NOTCH2: variants seen among roughly 807,000 people sequenced by gnomAD.
NOTCH2 encodes the protein neurogenic locus notch homolog protein 2.
NOTCH2 carries 29 observed loss-of-function variants against 235.8 expected under a neutral mutation model. That is an observed-to-expected ratio of 0.12 (90% confidence interval 0.09 to 0.17). The LOEUF is 0.17. Among genes scored for constraint, NOTCH2 ranks in the 10% least tolerant of loss-of-function variants. NOTCH2 has a pLI of 1.00. For missense variants in NOTCH2, 2,285 were observed against 3,150.2 expected (o/e 0.73, Z 6.57); for synonymous variants, 1,086 against 1,141.5 (o/e 0.95, Z 0.98).
chr1:119,914,604 T>C lies in NOTCH2; in HGVS notation c.*702A>G, dbSNP rs587715179. 1 of 235,668 alleles carries C rather than the reference T, an allele frequency of 4.2e-6. No individual in the cohort carries two copies. The highest frequency in any genetic ancestry group is 1.8e-4 in the South Asian group (1 of 5,660). The allele number at this position is 235,668 out of a possible 1,614,324, so 14.6% of individuals were successfully genotyped here. On this transcript the variant is annotated 3_prime_UTR_variant, in exon 34 of 34. Coordinates refer to ENST00000256646, the MANE Select transcript of NOTCH2 (RefSeq NM_024408.4). ...CCCTTCTCTCTCCAGGAATGATATA[T>C]GCAGGAGAACACAATACAGTATGTC...
intron 14 of NOTCH2, among the ~76,000 whole-genome samples, chr1:119,952,536 A>C (rs782695333): frequency 6.6e-6 from 1 of 152,186 alleles, no homozygotes; most frequent in Non-Finnish European, 1.5e-5. Context: ...AGGAGCGCAC[A>C]ATCTACATCC....
At chr1:119,919,285 T>G in intron 31 of NOTCH2, 27 bp downstream of exon 31, 1 of 1,592,522 alleles carries the variant, frequency 6.3e-7, no homozygotes, top group Non-Finnish European at 8.6e-7. Flanking sequence ...GAATTATTAT[T>G]CAAGTGACTC....
At position 119,914,800 on chromosome 1, in the gene NOTCH2, G is replaced by A. The variant is rs1474724086; in HGVS notation, c.*506C>T. ...AAAGGTCTTGCCCTATAACATGCTG[G>A]TAGGGCTACAATCACGGAGAGGTGC... On this transcript the variant is annotated 3_prime_UTR_variant, in exon 34 of 34. Transcript: ENST00000256646. 6.9e-6 allele frequency: 2 copies of A among 289,636 alleles called. No individual in the cohort carries two copies. The highest frequency in any genetic ancestry group is 1.3e-5 in the Non-Finnish European group (2 of 152,304). The allele number at this position is 289,636 out of a possible 1,614,324, so 17.9% of individuals were successfully genotyped here.
At chr1:119,975,484 A>G (rs1651538211) in intron 5 of NOTCH2, among the ~76,000 whole-genome samples, 2 of 152,054 alleles carry the variant, frequency 1.3e-5, no homozygotes, top group Non-Finnish European at 2.9e-5. Context: ...CGTCTTTACT[A>G]AAAATACAAA....
intron 20 of NOTCH2, 65 bp from the exon 21 acceptor site, chr1:119,937,531 C>G: frequency 6.8e-7 from 1 of 1,472,096 alleles, no homozygotes; most frequent in Admixed American, 1.9e-5. Context: ...TCAAATCAAC[C>G]AATGAGCAAG....
At chr1:119,917,881 G>A (rs1649142367) in intron 32 of NOTCH2, 119 bp from the exon 33 acceptor site, 2 of 743,502 alleles carry the variant, frequency 2.7e-6, no homozygotes, top group Non-Finnish European at 4.8e-6. Context: ...TCTCTGTAGG[G>A]GTCTATAGGA....
chr1:119,921,693 T>A lies in NOTCH2; in HGVS notation c.5310+20A>T. 1.9e-6 allele frequency: 3 copies of A among 1,601,678 alleles called. No homozygotes were observed. The highest frequency in any genetic ancestry group is 2.6e-6 in the Non-Finnish European group (3 of 1,168,642). On this transcript the variant is annotated intron_variant, in intron 29 of 33. Transcript: ENST00000256646. ...ACCAGATAATGGCTGACAATGGTGG[T>A]TCTACCATGGCCACCTCACCTTTAC...
intron 19 of NOTCH2, among the ~76,000 whole-genome samples, chr1:119,939,831 T>A (rs760915617): frequency 5.8e-4 from 89 of 152,210 alleles, no homozygotes; most frequent in Non-Finnish European, 9.7e-4. Context: ...TGCTCACATG[T>A]CTAATATAGC....
chr1:119,972,395 A>C (rs1335527719), intron 5 of NOTCH2, among the ~76,000 whole-genome samples: 5 of 152,224 alleles, frequency 3.3e-5, no homozygotes, highest in African/African-American at 1.2e-4. Context: ...GCTGAGTCTC[A>C]TCTATTATAC....
chr1:119,960,467 GTAATA>G (rs1650893701), intron 11 of NOTCH2, among the ~76,000 whole-genome samples: 3 of 148,718 alleles, frequency 2.0e-5, no homozygotes, highest in African/African-American at 7.4e-5. Flanking sequence ...AAATATATTT[GTAATA>G]TATTTCACAA....
At chr1:119,954,158 C>A (rs1370231349) in intron 13 of NOTCH2, among the ~76,000 whole-genome samples, 2 of 152,144 alleles carry the variant, frequency 1.3e-5, no homozygotes, top group African/African-American at 4.8e-5. Flanking sequence ...TGACCTAACA[C>A]TTGGCTTCAG....
chr1:119,995,620 T>C (rs1652410058), intron 4 of NOTCH2: 1 of 152,248 alleles, frequency 6.6e-6, no homozygotes, highest in African/African-American at 2.4e-5. Flanking sequence ...TGAATAGTAA[T>C]ATTATGTTAA....
intron 2 of NOTCH2, among the ~76,000 whole-genome samples, chr1:120,011,473 A>C (rs1285435905): frequency 6.6e-6 from 1 of 152,214 alleles, no homozygotes; most frequent in African/African-American, 2.4e-5. Context: ...GGTTATTTCC[A>C]GGTTTCTTCA....
In NOTCH2 at chr1:120,029,924, T is replaced by C. The variant is rs61788900; in HGVS notation, c.137A>G (p.Asn46Ser). ...VNEGMCVTYH[N>S]GTGYCKCPEG... Reference sequence around the variant, plus strand: ...AACTTACTTGCAGTATCCTGTGCCATTGTGGTAGGTAACACACATTCCTTC... The same window carrying C: ...AACTTACTTGCAGTATCCTGTGCCACTGTGGTAGGTAACACACATTCCTTC... Residue 46 changes from asparagine (N) to serine (S), a missense_variant, in exon 2 of 34, where the codon AAT becomes AGT. Coordinates refer to ENST00000256646, the MANE Select transcript of NOTCH2 (RefSeq NM_024408.4). 3.3e-5 allele frequency: 23 copies of C among 702,328 alleles called. No homozygotes were observed. The highest frequency in any genetic ancestry group is 8.0e-5 in the East Asian group (3 of 37,424). The allele number at this position is 702,328 out of a possible 1,614,324, so 43.5% of individuals were successfully genotyped here. A position where few individuals can be genotyped will look rare whatever the true frequency, so the allele number is the denominator to read the frequency against.
At position 119,915,686 on chromosome 1, in the gene NOTCH2, C is replaced by A; in HGVS notation, c.7036G>T (p.Ala2346Ser). 1 of 1,612,546 alleles carries A rather than the reference C, an allele frequency of 6.2e-7. No individual in the cohort carries two copies. Among genetic ancestry groups the A allele is most frequent in the South Asian group, 1.1e-5 (1 of 90,846 alleles). The change falls in exon 34 of 34, where the codon GCC becomes TCC. Residue 2346 changes from alanine (A) to serine (S), a missense_variant. Ala to Ser is a moderately conservative substitution (Grantham distance 99, BLOSUM62 1). Transcript: ENST00000256646. ...LPTMYQIPEM[A>S]RLPSVAFPTA... ...GGGAAAGCCACACTGGGCAAACGGG[C>A]CATTTCTGGAATCTGGTACATGGTG...
Position 119,913,334 on chromosome 1 carries a change from G to A in NOTCH2, c.*1972C>T, listed in dbSNP as rs587747106. 3 of 233,216 alleles carry A rather than the reference G, an allele frequency of 1.3e-5. No homozygotes were observed. The highest frequency in any genetic ancestry group is 1.8e-4 in the South Asian group (1 of 5,514). 14.4% of individuals were successfully genotyped at this position (233,216 alleles called of 1,614,324 possible). A position where few individuals can be genotyped will look rare whatever the true frequency, so the allele number is the denominator to read the frequency against. Reference sequence around the variant, plus strand: ...TGTAAACTATTATGCCAACAGACACGCAGGGTTTCCATATGGGGCCACCGA... The same window carrying A: ...TGTAAACTATTATGCCAACAGACACACAGGGTTTCCATATGGGGCCACCGA... On this transcript the variant is annotated 3_prime_UTR_variant, in exon 34 of 34. Transcript: ENST00000256646.
At chr1:120,034,231 C>G (rs1377333664) in intron 1 of NOTCH2, among the ~76,000 whole-genome samples, 1 of 145,740 alleles carries the variant, frequency 6.9e-6, no homozygotes, top group Non-Finnish European at 1.5e-5. Context: ...CACAAAGAGT[C>G]ACATTTAACC....
intron 2 of NOTCH2, among the ~76,000 whole-genome samples, chr1:120,014,991 CTT>C (rs60671945): frequency 0.24 from 30,128 of 126,382 alleles, 4,580 homozygotes; most frequent in African/African-American, 0.49. Flanking sequence ...CTGTCTTTAG[CTT>C]TTTTTTTTTT....
intron 15 of NOTCH2, among the ~76,000 whole-genome samples, chr1:119,949,622 G>A (rs1650392113): frequency 1.3e-5 from 2 of 152,024 alleles, no homozygotes; most frequent in African/African-American, 2.4e-5. Context: ...TCCTGACCTC[G>A]TGATCCGCCT....
Sources: gnomAD v4.1 joint callset for allele counts (sites outside exome capture counted in the v4.1 genomes callset) on GRCh38, gnomAD v4.1.1 for gene constraint, MANE v1.5 for transcripts, NCBI Gene and HGNC (gene_info 2026-07-23, HGNC 2026-07-21) for gene names.